DENND1A: variants seen among roughly 807,000 people sequenced by gnomAD.
The protein encoded by DENND1A is DENN domain containing 1A.
DENND1A carries 51 observed loss-of-function variants against 113.7 expected under a neutral mutation model. The ratio of observed to expected loss-of-function variants is 0.45; its 90% CI spans 0.36 to 0.57. DENND1A has a LOEUF of 0.57. Among genes scored for constraint, DENND1A ranks in the 20% least tolerant of loss-of-function variants. The pLI is 0.00. For missense variants in DENND1A, 1,258 were observed against 1,395.9 expected, an observed-to-expected ratio of 0.90 and a Z score of 1.57; for synonymous variants, 565 against 570.8, an observed-to-expected ratio of 0.99 and a Z score of 0.14.
intron 3 of DENND1A, among the ~76,000 whole-genome samples, chr9:123,785,649 T>C (rs1313086755): frequency 6.6e-6 from 1 of 152,196 alleles, no homozygotes; most frequent in East Asian, 1.9e-4. Context: ...AAATCTGTAA[T>C]GCAGTCCTTC....
intron 8 of DENND1A, among the ~76,000 whole-genome samples, chr9:123,661,912 A>T (rs1214186254): frequency 6.6e-6 from 1 of 152,194 alleles, no homozygotes; most frequent in African/African-American, 2.4e-5. Context: ...TCAGCACAGG[A>T]TATTTTAACA....
intron 5 of DENND1A, among the ~76,000 whole-genome samples, chr9:123,704,978 A>T (rs1274978221): frequency 3.3e-5 from 5 of 152,116 alleles, no homozygotes; most frequent in African/African-American, 1.2e-4. Flanking sequence ...AATTTCCAGA[A>T]GGATATAATA....
At chr9:123,582,763 A>ATG (rs2058976989) in intron 12 of DENND1A, among the ~76,000 whole-genome samples, 1 of 150,732 alleles carries the variant, frequency 6.6e-6, no homozygotes, top group Admixed American at 6.6e-5. Context: ...GCAGTGGCGC[A>ATG]ATCTCAGCTC....
At chr9:123,478,972 T>G (rs1342315527) in intron 13 of DENND1A, among the ~76,000 whole-genome samples, 1 of 152,184 alleles carries the variant, frequency 6.6e-6, no homozygotes, top group African/African-American at 2.4e-5. Flanking sequence ...CCAAACTATT[T>G]ATTGTACACC....
At chr9:123,894,363 T>C (rs1336390332) in intron 1 of DENND1A, among the ~76,000 whole-genome samples, 1 of 152,238 alleles carries the variant, frequency 6.6e-6, no homozygotes, top group African/African-American at 2.4e-5. Context: ...ATTCAACACA[T>C]ATTTATGAGT....
At chr9:123,455,561 C>T (rs1355311291) in intron 15 of DENND1A, among the ~76,000 whole-genome samples, 1 of 152,204 alleles carries the variant, frequency 6.6e-6, no homozygotes, top group Non-Finnish European at 1.5e-5. Flanking sequence ...CTCTGAACAG[C>T]CCTCGGGAAT....
chr9:123,587,327 C>T (rs943435466), intron 11 of DENND1A, among the ~76,000 whole-genome samples: 1 of 152,146 alleles, frequency 6.6e-6, no homozygotes, highest in Non-Finnish European at 1.5e-5. Flanking sequence ...TAATTTCTAA[C>T]AGAGCCTTAA....
intron 1 of DENND1A, among the ~76,000 whole-genome samples, chr9:123,898,567 A>G (rs989929406): frequency 1.3e-5 from 2 of 152,116 alleles, no homozygotes; most frequent in Non-Finnish European, 2.9e-5. Flanking sequence ...GGCTCATGCA[A>G]TCTTCCTGCC....
chr9:123,456,088 G>A (rs910948464), intron 15 of DENND1A, among the ~76,000 whole-genome samples: 2 of 152,182 alleles, frequency 1.3e-5, no homozygotes, highest in African/African-American at 2.4e-5. Context: ...ACTGGCTATT[G>A]CTGTTTGTAG....
intron 1 of DENND1A, among the ~76,000 whole-genome samples, chr9:123,918,296 G>A (rs1218138087): frequency 6.7e-6 from 1 of 150,354 alleles, no homozygotes; most frequent in African/African-American, 2.4e-5. Flanking sequence ...AGACCATCCT[G>A]GCTAACACGG....
At chr9:123,927,729 C>G (rs1035414266) in intron 1 of DENND1A, among the ~76,000 whole-genome samples, 1 of 152,196 alleles carries the variant, frequency 6.6e-6, no homozygotes, top group Admixed American at 6.5e-5. Flanking sequence ...AAAGGAACCC[C>G]TCCCCCTTGT....
At chr9:123,480,391 C>T (rs894922618) in intron 13 of DENND1A, among the ~76,000 whole-genome samples, 1 of 152,234 alleles carries the variant, frequency 6.6e-6, no homozygotes, top group Admixed American at 6.5e-5. Context: ...TCCAGCCACA[C>T]CTCTTGACAT....
intron 13 of DENND1A, among the ~76,000 whole-genome samples, chr9:123,486,605 T>C (rs1293182081): frequency 1.3e-5 from 2 of 152,156 alleles, no homozygotes; most frequent in Non-Finnish European, 2.9e-5. Context: ...TGGCACCAAC[T>C]AAATGGCATG....
intron 1 of DENND1A, among the ~76,000 whole-genome samples, chr9:123,916,265 G>A (rs369557323): frequency 6.6e-6 from 1 of 151,776 alleles, no homozygotes; most frequent in East Asian, 1.9e-4. Flanking sequence ...CTCTTTACAG[G>A]ATATATTATA....
intron 10 of DENND1A, among the ~76,000 whole-genome samples, chr9:123,624,395 G>A (rs1178477708): frequency 8.5e-5 from 13 of 152,200 alleles, no homozygotes; most frequent in Non-Finnish European, 1.0e-4. Context: ...AGCAGTGGTA[G>A]TGGCTGAAGG....
At chr9:123,920,087 C>G (rs2134145475) in intron 1 of DENND1A, among the ~76,000 whole-genome samples, 1 of 151,892 alleles carries the variant, frequency 6.6e-6, no homozygotes, top group East Asian at 1.9e-4. Flanking sequence ...TAAAATTTTC[C>G]AAAATAAAGT....
intron 13 of DENND1A, among the ~76,000 whole-genome samples, chr9:123,482,881 G>C (rs1346244361): frequency 1.3e-5 from 2 of 152,210 alleles, no homozygotes; most frequent in Non-Finnish European, 2.9e-5. Context: ...CAGCAGAGGG[G>C]GAGGGGCTCC....
At chr9:123,488,161 G>A (rs1564583692) in intron 13 of DENND1A, among the ~76,000 whole-genome samples, 1 of 152,220 alleles carries the variant, frequency 6.6e-6, no homozygotes, top group Non-Finnish European at 1.5e-5. Context: ...GGACAGGGCT[G>A]CAATGAATGC....
At chr9:123,669,398 C>T (rs187643114) in intron 7 of DENND1A, among the ~76,000 whole-genome samples, 1 of 152,312 alleles carries the variant, frequency 6.6e-6, no homozygotes, top group East Asian at 1.9e-4. Context: ...CCCAGGCTGT[C>T]CTTTGAGATT....
Sources: allele counts gnomAD v4.1 joint callset (sites outside exome capture counted in the v4.1 genomes callset), GRCh38; gene constraint gnomAD v4.1.1; transcripts MANE v1.5; gene names NCBI Gene and HGNC (gene_info 2026-07-23, HGNC 2026-07-21).